The following FAM168A variants were observed in gnomAD, a reference collection of about 807,000 sequenced individuals.
The protein encoded by FAM168A is protein FAM168A.
Under a neutral mutation model 28.5 loss-of-function variants are expected in FAM168A, and 3 were observed. The observed-to-expected ratio is 0.11, with a 90% confidence interval of 0.05 to 0.27. The LOEUF (loss-of-function observed/expected upper bound fraction) is 0.27. Among genes scored for constraint, FAM168A ranks in the 10% least tolerant of loss-of-function variants. The pLI, the probability that FAM168A is intolerant of heterozygous loss-of-function variation, is 1.00. For synonymous variants in FAM168A, 122 were observed against 124.2 expected (o/e 0.98, Z 0.12); for missense variants, 222 against 311.5 (o/e 0.71, Z 2.16).
chr11:73,522,919 A>C (rs562478021), intron 1 of FAM168A, among the ~76,000 whole-genome samples: 22 of 152,184 alleles, frequency 1.4e-4, no homozygotes, highest in African/African-American at 5.3e-4. Context: ...AGGCTGAGGC[A>C]GGAGAATTGC....
chr11:73,522,389 G>A (rs138696686), intron 1 of FAM168A, among the ~76,000 whole-genome samples: 2,975 of 151,990 alleles, frequency 0.02, 74 homozygotes, highest in African/African-American at 0.061. Context: ...GTGCGATCTC[G>A]GCTCACTCCA....
intron 1 of FAM168A, among the ~76,000 whole-genome samples, chr11:73,502,014 C>A (rs547519369): frequency 6.7e-6 from 1 of 150,198 alleles, no homozygotes; most frequent in Non-Finnish European, 1.5e-5. Context: ...GGCAGGAGAA[C>A]GGCATGAACC....
At chr11:73,524,220 T>C (rs1943422159) in intron 1 of FAM168A, among the ~76,000 whole-genome samples, 1 of 152,148 alleles carries the variant, frequency 6.6e-6, no homozygotes, top group Non-Finnish European at 1.5e-5. Flanking sequence ...AATTTTATGG[T>C]GTTCTGAAAT....
chr11:73,446,549 G>A (rs571539302), intron 2 of FAM168A, among the ~76,000 whole-genome samples: 6 of 152,334 alleles, frequency 3.9e-5, no homozygotes, highest in African/African-American at 1.4e-4. Context: ...AGAACTCAGT[G>A]AAGGTCATGC....
intron 1 of FAM168A, among the ~76,000 whole-genome samples, chr11:73,527,477 A>C (rs1376097073): frequency 1.3e-5 from 2 of 152,226 alleles, no homozygotes; most frequent in African/African-American, 4.8e-5. Flanking sequence ...CAAACATGCC[A>C]GTAGACATTT....
chr11:73,589,608 G>C (rs929517865), intron 1 of FAM168A, among the ~76,000 whole-genome samples: 2 of 151,942 alleles, frequency 1.3e-5, no homozygotes, highest in Non-Finnish European at 2.9e-5. Flanking sequence ...TAGTATCAAA[G>C]AGGAATATCC....
In FAM168A at chr11:73,583,949, T is replaced by C. The variant is rs948138328; in HGVS notation, c.-19+13974A>G. ...TATCTAGGAGACAGTGTCCCTACAA[T>C]GACACTTGGTTGAAGGGCAGGCTTT... On this transcript the variant is annotated intron_variant, in intron 1 of 7. Transcript: ENST00000356467. Among the ~76,000 whole-genome samples the C allele has an allele frequency of 7.2e-5, 11 of 152,286 alleles. No homozygotes were observed. In the East Asian group the frequency reaches 2.1e-3, roughly 29 times the overall value.
At chr11:73,547,633 C>T (rs374249297) in intron 1 of FAM168A, among the ~76,000 whole-genome samples, 5 of 152,000 alleles carry the variant, frequency 3.3e-5, no homozygotes, top group Non-Finnish European at 5.9e-5. Context: ...TGTGAATAAC[C>T]GCTGCACTTC....
chr11:73,454,115 G>A (rs1312449853), intron 2 of FAM168A, among the ~76,000 whole-genome samples: 1 of 152,158 alleles, frequency 6.6e-6, no homozygotes, highest in Non-Finnish European at 1.5e-5. Context: ...TAAGGGTACT[G>A]AGCTCACCTC....
chr11:73,428,113 C>T (rs1422125616), intron 3 of FAM168A, among the ~76,000 whole-genome samples: 2 of 152,098 alleles, frequency 1.3e-5, no homozygotes, highest in Non-Finnish European at 2.9e-5. Flanking sequence ...TGCCCTCCTG[C>T]GTGAGGCACC....
chr11:73,580,312 C>G, intron 1 of FAM168A: 4 of 571,026 alleles, frequency 7.0e-6, no homozygotes, highest in Non-Finnish European at 1.4e-5. Flanking sequence ...AAGGATGAAC[C>G]ACAGAGAAGA....
chr11:73,457,602 G>A (rs1392169642), intron 2 of FAM168A, among the ~76,000 whole-genome samples: 2 of 151,160 alleles, frequency 1.3e-5, no homozygotes, highest in Non-Finnish European at 3.0e-5. Flanking sequence ...TTGGCCAGGT[G>A]CAGTGGCTCA....
chr11:73,562,684 G>A (rs761584207), intron 1 of FAM168A, among the ~76,000 whole-genome samples: 5 of 152,148 alleles, frequency 3.3e-5, no homozygotes, highest in African/African-American at 7.2e-5. Context: ...AAAATTAGCC[G>A]GACATGATGG....
At chr11:73,474,157 C>T (rs1867855111) in intron 1 of FAM168A, among the ~76,000 whole-genome samples, 1 of 151,930 alleles carries the variant, frequency 6.6e-6, no homozygotes, top group African/African-American at 2.4e-5. Context: ...GATGCTATAA[C>T]AGAATAGCTG....
chr11:73,553,934 AG>A (rs1431398296), intron 1 of FAM168A, among the ~76,000 whole-genome samples: 1 of 152,182 alleles, frequency 6.6e-6, no homozygotes, highest in Non-Finnish European at 1.5e-5. Flanking sequence ...GGTTGCAGTG[AG>A]CTGAGATTGT....
chr11:73,561,213 A>C (rs1403009745), intron 1 of FAM168A, among the ~76,000 whole-genome samples: 2 of 152,062 alleles, frequency 1.3e-5, no homozygotes, highest in Non-Finnish European at 2.9e-5. Flanking sequence ...GTTTCTACTA[A>C]AAATACAAAA....
intron 3 of FAM168A, 108 bp downstream of exon 3, chr11:73,430,582 C>G (rs11823913): frequency 0.13 from 133,580 of 1,010,096 alleles, 13,156 homozygotes; most frequent in African/African-American, 0.46. Context: ...GGAGAGGCTG[C>G]GCCCGGAGCA....
At chr11:73,423,501 C>T (rs982308768) in intron 3 of FAM168A, among the ~76,000 whole-genome samples, 1 of 152,192 alleles carries the variant, frequency 6.6e-6, no homozygotes, top group Non-Finnish European at 1.5e-5. Flanking sequence ...GCCCATACTA[C>T]AGCCACAGAA....
intron 1 of FAM168A, among the ~76,000 whole-genome samples, chr11:73,512,059 C>A (rs1371533625): frequency 3.3e-5 from 5 of 152,144 alleles, no homozygotes; most frequent in Non-Finnish European, 7.4e-5. Context: ...TAAAACAATA[C>A]CTGGCACACA....
Sources: gnomAD v4.1 joint callset for allele counts (sites outside exome capture counted in the v4.1 genomes callset) on GRCh38, gnomAD v4.1.1 for gene constraint, MANE v1.5 for transcripts, NCBI Gene and HGNC (gene_info 2026-07-23, HGNC 2026-07-21) for gene names.